The following THSD7B variants were observed in gnomAD, a reference collection of about 807,000 sequenced individuals.
The protein encoded by THSD7B is thrombospondin type 1 domain containing 7B, also known as thrombospondin type-1 domain-containing protein 7B.
THSD7B carries 138 observed loss-of-function variants against 213.6 expected under a neutral mutation model. The ratio of observed to expected loss-of-function variants is 0.65; its 90% CI spans 0.56 to 0.74. The LOEUF is 0.74. Ranked by LOEUF, THSD7B falls within the 30% of genes least tolerant of loss-of-function variation. The probability of loss-of-function intolerance (pLI) is 0.00; values close to 1 mark genes in which losing one functional copy is unlikely to be tolerated. For synonymous variants in THSD7B, 742 were observed against 687.0 expected (o/e 1.08, Z -1.25); for missense variants, 1,931 against 1,991.5 (o/e 0.97, Z 0.58).
intron 12 of THSD7B, among the ~76,000 whole-genome samples, chr2:137,387,911 C>T (rs1206939313): frequency 6.6e-6 from 1 of 152,178 alleles, no homozygotes; most frequent in Non-Finnish European, 1.5e-5. Flanking sequence ...TATCTCTCTA[C>T]CTGCCTGTCA....
At chr2:137,498,600 T>A (rs769652068) in intron 15 of THSD7B, among the ~76,000 whole-genome samples, 80 of 152,046 alleles carry the variant, frequency 5.3e-4, no homozygotes, top group Non-Finnish European at 9.6e-4. Flanking sequence ...ATTTTTTTTT[T>A]ATTGTTGAAG....
At chr2:137,589,805 T>C (rs115124475) in intron 17 of THSD7B, among the ~76,000 whole-genome samples, 1 of 152,172 alleles carries the variant, frequency 6.6e-6, no homozygotes. Flanking sequence ...ACCATTGCAA[T>C]TATATACTGG....
intron 14 of THSD7B, 173 bp downstream of exon 14, chr2:137,412,045 T>C (rs1167368588): frequency 2.6e-5 from 20 of 763,914 alleles, no homozygotes; most frequent in Non-Finnish European, 3.3e-5. Flanking sequence ...CATCTGTATC[T>C]CAATGATTAT....
At chr2:137,652,852 G>GC (rs1482984102) in intron 21 of THSD7B, among the ~76,000 whole-genome samples, 1 of 152,040 alleles carries the variant, frequency 6.6e-6, no homozygotes, top group African/African-American at 2.4e-5. Flanking sequence ...CTTTCACTTT[G>GC]CCCCCGACAT....
At chr2:136,950,155 G>A (rs867242535) in intron 2 of THSD7B, among the ~76,000 whole-genome samples, 3 of 152,208 alleles carry the variant, frequency 2.0e-5, no homozygotes, top group Non-Finnish European at 4.4e-5. Flanking sequence ...GGGAGGCTGA[G>A]GCAGGAGAAT....
chr2:137,075,205 C>T (rs1488553167), intron 3 of THSD7B, among the ~76,000 whole-genome samples: 1 of 152,216 alleles, frequency 6.6e-6, no homozygotes, highest in Non-Finnish European at 1.5e-5. Context: ...CCATTCTCCC[C>T]ATCACTTTCA....
At chr2:136,810,204 C>T (rs1682352255) in intron 1 of THSD7B, among the ~76,000 whole-genome samples, 1 of 152,128 alleles carries the variant, frequency 6.6e-6, no homozygotes, top group South Asian at 2.1e-4. Flanking sequence ...GAAAGCTTTT[C>T]CTGGAAAGTA....
intron 12 of THSD7B, among the ~76,000 whole-genome samples, chr2:137,402,210 A>G (rs536613759): frequency 1.2e-4 from 18 of 152,322 alleles, no homozygotes; most frequent in African/African-American, 3.4e-4. Flanking sequence ...GGGCATGAAG[A>G]ATTAAATAAC....
intron 7 of THSD7B, among the ~76,000 whole-genome samples, chr2:137,223,378 G>A (rs558868420): frequency 2.4e-4 from 36 of 152,292 alleles, no homozygotes; most frequent in African/African-American, 7.0e-4. Context: ...ACATTGTTAC[G>A]TACATGTTTC....
At chr2:136,991,271 A>C (rs1197720485) in intron 2 of THSD7B, among the ~76,000 whole-genome samples, 1 of 152,194 alleles carries the variant, frequency 6.6e-6, no homozygotes, top group African/African-American at 2.4e-5. Context: ...AACGCATGCA[A>C]AATGATTCTA....
At chr2:137,113,587 C>G (rs1325159604) in intron 4 of THSD7B, among the ~76,000 whole-genome samples, 8 of 152,110 alleles carry the variant, frequency 5.3e-5, no homozygotes, top group Admixed American at 5.2e-4. Flanking sequence ...CAGGCATGTG[C>G]CACCACATCC....
chr2:137,045,806 G>T (rs1686958343), intron 2 of THSD7B, among the ~76,000 whole-genome samples: 1 of 152,118 alleles, frequency 6.6e-6, no homozygotes, highest in Admixed American at 6.5e-5. Flanking sequence ...GTACCCCATT[G>T]CTGTATATTC....
chr2:137,153,583 A>G (rs2104977372), intron 5 of THSD7B, among the ~76,000 whole-genome samples: 1 of 152,280 alleles, frequency 6.6e-6, no homozygotes, highest in African/African-American at 2.4e-5. Flanking sequence ...TCTATTTACT[A>G]AGTTAAAAGA....
chr2:137,305,689 T>C (rs1393123668), intron 12 of THSD7B, among the ~76,000 whole-genome samples: 1 of 152,126 alleles, frequency 6.6e-6, no homozygotes, highest in African/African-American at 2.4e-5. Flanking sequence ...CTTTTAAATC[T>C]CTTAGACTCT....
intron 12 of THSD7B, among the ~76,000 whole-genome samples, chr2:137,283,983 C>T (rs1244023122): frequency 1.3e-5 from 2 of 152,050 alleles, no homozygotes; most frequent in African/African-American, 4.8e-5. Context: ...GGTACCAGTT[C>T]CTCCTTGTAC....
At chr2:137,568,745 C>T (rs916697979) in intron 16 of THSD7B, among the ~76,000 whole-genome samples, 2 of 152,126 alleles carry the variant, frequency 1.3e-5, no homozygotes, top group Admixed American at 6.5e-5. Context: ...TGGGGGAAAT[C>T]GCCCCCATAA....
chr2:136,874,742 C>G (rs577202306), intron 1 of THSD7B, among the ~76,000 whole-genome samples: 4 of 152,152 alleles, frequency 2.6e-5, no homozygotes, highest in East Asian at 3.9e-4. Flanking sequence ...TTTTATTTCT[C>G]TTAATATTCA....
At chr2:137,061,345 T>C (rs1217834531) in intron 3 of THSD7B, among the ~76,000 whole-genome samples, 2 of 151,464 alleles carry the variant, frequency 1.3e-5, no homozygotes, top group Non-Finnish European at 3.0e-5. Flanking sequence ...AATCTGAATA[T>C]GTTTTCTTTA....
chr2:137,129,963 C>G (rs530317871), intron 5 of THSD7B, among the ~76,000 whole-genome samples: 1 of 152,224 alleles, frequency 6.6e-6, no homozygotes, highest in East Asian at 1.9e-4. Flanking sequence ...TTTCAGTATA[C>G]TTGACATTTG....
Sources: gnomAD v4.1 joint callset for allele counts (sites outside exome capture counted in the v4.1 genomes callset) on GRCh38, gnomAD v4.1.1 for gene constraint, MANE v1.5 for transcripts, NCBI Gene and HGNC (gene_info 2026-07-23, HGNC 2026-07-21) for gene names.